NCAPH: variants seen among roughly 807,000 people sequenced by gnomAD.
The protein encoded by NCAPH is condensin complex subunit 2.
NCAPH carries 38 observed loss-of-function variants against 85.5 expected under a neutral mutation model. The ratio of observed to expected loss-of-function variants is 0.44; its 90% confidence interval spans 0.34 to 0.58. NCAPH has a LOEUF of 0.58. Ranked by LOEUF, NCAPH falls within the 20% of genes least tolerant of loss-of-function variation. NCAPH has a pLI of 0.01. For missense variants in NCAPH, 789 were observed against 916.6 expected, an observed-to-expected ratio of 0.86 and a Z score of 1.80; for synonymous variants, 301 against 335.1, an observed-to-expected ratio of 0.90 and a Z score of 1.11.
intron 9 of NCAPH, 46 bp from the exon 10 acceptor site, chr2:96,358,999 G>A: frequency 6.3e-7 from 1 of 1,577,646 alleles, no homozygotes; most frequent in Non-Finnish European, 8.7e-7. Flanking sequence ...TGTAAATACA[G>A]CATTATAATA....
intron 6 of NCAPH, among the ~76,000 whole-genome samples, chr2:96,348,038 A>C (rs573248167): frequency 6.6e-6 from 1 of 152,246 alleles, no homozygotes; most frequent in African/African-American, 2.4e-5. Flanking sequence ...CACCATGTTT[A>C]AAGACCTTGA....
chr2:96,351,732 T>C (rs2064445747), intron 6 of NCAPH, 99 bp from the exon 7 acceptor site: 2 of 921,464 alleles, frequency 2.2e-6, no homozygotes, highest in Non-Finnish European at 3.1e-6. Flanking sequence ...TTCAGTCCAG[T>C]GTATATACCT....
chr2:96,373,517 G>A lies in NCAPH; in HGVS notation c.*166G>A. On this transcript the variant is annotated 3_prime_UTR_variant, in exon 18 of 18. Transcript: ENST00000240423. ...TTTCCTTCTCTCCATCATAGTCTGG[G>A]TGCCAGCGCCCTGAAGCTCCGTGCT... 1 of 644,256 alleles carries A rather than the reference G, an allele frequency of 1.6e-6. No homozygotes were observed. Among genetic ancestry groups the A allele is most frequent in the Non-Finnish European group, 2.7e-6 (1 of 368,768 alleles). The allele number at this position is 644,256 out of a possible 1,614,324, so 39.9% of individuals were successfully genotyped here.
Position 96,376,328 on chromosome 2 carries a change from G to A in NCAPH, c.*2977G>A, listed in dbSNP as rs1230023081. The stretch of plus-strand genomic sequence containing the variant: ...GGCAATTTGCAATTTGCAAGAGAGG[G>A]CAATTTGCAAGAGAGAATTGTGGGG... On this transcript the variant is annotated 3_prime_UTR_variant, in exon 18 of 18. Transcript: ENST00000240423. Among the ~76,000 whole-genome samples, 44 of 152,198 alleles carry A rather than the reference G, an allele frequency of 2.9e-4. 1 individual carries two copies. The highest frequency in any genetic ancestry group is 2.9e-3 in the Admixed American group (44 of 15,276).
intron 1 of NCAPH, among the ~76,000 whole-genome samples, chr2:96,336,349 A>G (rs999184768): frequency 1.8e-4 from 28 of 152,224 alleles, no homozygotes; most frequent in Non-Finnish European, 3.1e-4. Flanking sequence ...GGGGAGACAG[A>G]CAGTAAACAA....
At chr2:96,352,087 G>A in intron 7 of NCAPH, 67 bp downstream of exon 7, 1 of 1,434,326 alleles carries the variant, frequency 7.0e-7, no homozygotes, top group Non-Finnish European at 9.5e-7. Flanking sequence ...CATAACCATG[G>A]GGTACAATAA....
At chr2:96,363,508 T>C (rs1275770565) in intron 12 of NCAPH, among the ~76,000 whole-genome samples, 1 of 152,232 alleles carries the variant, frequency 6.6e-6, no homozygotes, top group Non-Finnish European at 1.5e-5. Context: ...TTTGAGTTGT[T>C]TTTGAGGCAC....
chr2:96,365,168 A>G (rs892999878), intron 13 of NCAPH, among the ~76,000 whole-genome samples: 12 of 152,162 alleles, frequency 7.9e-5, no homozygotes, highest in Admixed American at 2.6e-4. Context: ...TGGCTAATAC[A>G]GGTAACAGAA....
chr2:96,341,925 G>C, intron 2 of NCAPH, 31 bp downstream of exon 2: 1 of 1,605,076 alleles, frequency 6.2e-7, no homozygotes, highest in Non-Finnish European at 8.5e-7. Context: ...TTCTCCTTGA[G>C]GCAGCCGCCT....
At chr2:96,350,920 T>C (rs1415887230) in intron 6 of NCAPH, among the ~76,000 whole-genome samples, 1 of 152,226 alleles carries the variant, frequency 6.6e-6, no homozygotes, top group Admixed American at 6.5e-5. Context: ...TTGCTGCACA[T>C]GTGTGTGATT....
intron 10 of NCAPH, 141 bp downstream of exon 10, chr2:96,359,334 C>T: frequency 9.2e-7 from 1 of 1,083,098 alleles, no homozygotes; most frequent in African/African-American, 1.6e-5. Flanking sequence ...ATGAGCCAGC[C>T]TCCTGGTTGG....
At chr2:96,346,649 G>A (rs2064365294) in intron 6 of NCAPH, among the ~76,000 whole-genome samples, 1 of 152,122 alleles carries the variant, frequency 6.6e-6, no homozygotes, top group Non-Finnish European at 1.5e-5. Flanking sequence ...AGGCCTGGTG[G>A]GGTCAAAGAC....
intron 6 of NCAPH, among the ~76,000 whole-genome samples, chr2:96,349,387 CTT>C (rs987765046): frequency 6.9e-6 from 1 of 144,084 alleles, no homozygotes; most frequent in African/African-American, 2.5e-5. Context: ...ATTTTCTTTT[CTT>C]TTTTTTTTTT....
chr2:96,349,807 A>T (rs1316787689), intron 6 of NCAPH, among the ~76,000 whole-genome samples: 3 of 152,258 alleles, frequency 2.0e-5, no homozygotes, highest in Non-Finnish European at 4.4e-5. Context: ...AGAGGATTCA[A>T]ACATGATTAT....
intron 6 of NCAPH, among the ~76,000 whole-genome samples, chr2:96,351,248 G>A (rs1212682721): frequency 1.3e-5 from 2 of 152,188 alleles, no homozygotes; most frequent in African/African-American, 4.8e-5. Context: ...ACGTCCAGAT[G>A]TATTATAAAA....
At chr2:96,364,713 T>C in intron 13 of NCAPH, 122 bp downstream of exon 13, 1 of 709,354 alleles carries the variant, frequency 1.4e-6, no homozygotes, top group South Asian at 1.8e-5. Context: ...GTGGAGGTTT[T>C]CTGGGTAAAG....
At position 96,369,051 on chromosome 2, in the gene NCAPH, A is replaced by C; in HGVS notation, c.2078A>C (p.Asp693Ala). The change falls in exon 16 of 18, where the codon GAC becomes GCC. Residue 693 changes from aspartate (D) to alanine (A), a missense_variant. Physicochemically the swap from Asp to Ala is moderately radical, Grantham distance 126. Coordinates refer to ENST00000240423, the MANE Select transcript of NCAPH (RefSeq NM_015341.5). ...AAGATGCTTAGCGGGCTCACGAAGGACCTGCAGAGGAGGTGCGGGCTGGCA... is the reference window on the plus strand; with the variant it reads ...AAGATGCTTAGCGGGCTCACGAAGGCCCTGCAGAGGAGGTGCGGGCTGGCA... Reference protein sequence around the residue: ...DEKMLSGLTKDLQRSLPPVMA... With the variant: ...DEKMLSGLTKALQRSLPPVMA... 1 of 1,555,182 alleles carries C rather than the reference A, an allele frequency of 6.4e-7. No homozygotes were observed. The highest frequency in any genetic ancestry group is 8.7e-7 in the Non-Finnish European group (1 of 1,148,870).
At chr2:96,354,459 T>C in intron 9 of NCAPH, 71 bp downstream of exon 9, 1 of 1,277,926 alleles carries the variant, frequency 7.8e-7, no homozygotes, top group Admixed American at 3.0e-5. Context: ...TTTCTTTTTT[T>C]TCTAATTAAA....
chr2:96,345,258 T>A (rs936038344), intron 6 of NCAPH, among the ~76,000 whole-genome samples: 1 of 151,676 alleles, frequency 6.6e-6, no homozygotes, highest in Non-Finnish European at 1.5e-5. Flanking sequence ...GAGCTTGGAG[T>A]GGGGGCCCCT....
Sources: gnomAD v4.1 joint callset for allele counts (sites outside exome capture counted in the v4.1 genomes callset) on GRCh38, gnomAD v4.1.1 for gene constraint, MANE v1.5 for transcripts, NCBI Gene and HGNC (gene_info 2026-07-23, HGNC 2026-07-21) for gene names.